Variants in CLASP2 observed in about 807,000 individuals in gnomAD.
CLASP2 encodes cytoplasmic linker associated protein 2.
Under a neutral mutation model 194.4 loss-of-function variants are expected in CLASP2, and 47 were observed. The observed-to-expected ratio is 0.24, with a 90% CI of 0.19 to 0.31. The LOEUF (loss-of-function observed/expected upper bound fraction) is 0.31, where lower values mean the gene tolerates loss of function less well. Ranked by LOEUF, CLASP2 falls within the 10% of genes least tolerant of loss-of-function variation. The pLI, the probability that CLASP2 is intolerant of heterozygous loss-of-function variation, is 1.00. For missense variants in CLASP2, 1,445 were observed against 1,823.6 expected, an observed-to-expected ratio of 0.79 and a Z score of 3.78; for synonymous variants, 619 against 633.5, an observed-to-expected ratio of 0.98 and a Z score of 0.34.
chr3:33,649,149 T>C (rs1290578495), intron 7 of CLASP2, among the ~76,000 whole-genome samples: 2 of 152,250 alleles, frequency 1.3e-5, no homozygotes, highest in African/African-American at 4.8e-5. Context: ...GAATGCTTTT[T>C]TCATCCACAT....
At position 33,506,940 on chromosome 3, in the gene CLASP2, C is replaced by CTT. The variant is rs138932642; in HGVS notation, c.4317+3616_4317+3617dup. Among the ~76,000 whole-genome samples, 290 of 138,972 alleles carry CTT rather than the reference C, an allele frequency of 2.1e-3. 1 individual carries two copies. The highest frequency in any genetic ancestry group is 7.2e-3 in the Middle Eastern group (2 of 276). The allele number at this position is 138,972 out of a possible 152,430, so 91.2% of individuals were successfully genotyped here. A position where few individuals can be genotyped will look rare whatever the true frequency, so the allele number is the denominator to read the frequency against. On this transcript the variant is annotated intron_variant, in intron 37 of 38. Transcript: ENST00000682230. ...TGTTCTTTTTCAAGTTGATTAGATT[C>CTT]TTTTTTTTTTTTTTTGAGAAGGAGT... is the stretch of plus-strand genomic sequence containing the variant.
chr3:33,690,152 A>G (rs2091183145), intron 2 of CLASP2, among the ~76,000 whole-genome samples: 1 of 152,238 alleles, frequency 6.6e-6, no homozygotes, highest in Non-Finnish European at 1.5e-5. Context: ...TGTTAAAAAA[A>G]CAGCAAAACT....
intron 25 of CLASP2, among the ~76,000 whole-genome samples, chr3:33,571,163 G>T (rs541000958): frequency 4.0e-5 from 6 of 150,716 alleles, no homozygotes; most frequent in Non-Finnish European, 8.9e-5. Flanking sequence ...ACAGGCGCCC[G>T]CCACCTCGCC....
rs1240154422 is a variant in CLASP2, at chr3:33,584,328, A to C, written c.2239+422T>G. The stretch of plus-strand genomic sequence containing the variant: ...ACAGAGTCTCCGTTGCCCAGGCTGG[A>C]GTGCAGTGTGATCTTGGCTCACTGC... On this transcript the variant is annotated intron_variant, in intron 22 of 38. Transcript: ENST00000682230. Among the ~76,000 whole-genome samples, 4 of 137,148 alleles carry C rather than the reference A, an allele frequency of 2.9e-5. No homozygotes were observed. The East Asian group carries it at 8.6e-4, about 29-fold the overall frequency. 90.0% of individuals were successfully genotyped at this position (137,148 alleles called of 152,430 possible).
chr3:33,521,785 A>G (rs367808688), intron 34 of CLASP2, among the ~76,000 whole-genome samples: 2 of 152,224 alleles, frequency 1.3e-5, no homozygotes, highest in African/African-American at 4.8e-5. Flanking sequence ...ACTCTAGTCT[A>G]CTGAAGGCTT....
intron 25 of CLASP2, 97 bp downstream of exon 25, chr3:33,573,013 T>G (rs1292841345): frequency 2.1e-6 from 3 of 1,407,308 alleles, no homozygotes; most frequent in Non-Finnish European, 2.9e-6. Context: ...AGGACAAGTC[T>G]GTTTCTACAC....
chr3:33,616,736 T>A (rs1365794414), intron 12 of CLASP2, among the ~76,000 whole-genome samples: 1 of 117,434 alleles, frequency 8.5e-6, no homozygotes, highest in Non-Finnish European at 1.8e-5. Context: ...TATACTTCCT[T>A]TTTTTTTTTT....
chr3:33,626,118 T>TA (rs2078004881), intron 10 of CLASP2, among the ~76,000 whole-genome samples: 1 of 152,148 alleles, frequency 6.6e-6, no homozygotes, highest in Non-Finnish European at 1.5e-5. Flanking sequence ...TACTCTCTGT[T>TA]AAAAACAGTA....
At chr3:33,571,107 G>A (rs913772207) in intron 25 of CLASP2, among the ~76,000 whole-genome samples, 4 of 149,018 alleles carry the variant, frequency 2.7e-5, no homozygotes, top group African/African-American at 7.4e-5. Context: ...TCCGCCCCCC[G>A]GGTTCACGCC....
intron 19 of CLASP2, 105 bp downstream of exon 19, chr3:33,596,606 A>G: frequency 1.2e-6 from 1 of 802,658 alleles, no homozygotes; most frequent in Non-Finnish European, 2.0e-6. Flanking sequence ...CTAAATAAGT[A>G]TTAATAATAT....
chr3:33,634,559 C>T (rs980015646), intron 8 of CLASP2, among the ~76,000 whole-genome samples: 1 of 152,102 alleles, frequency 6.6e-6, no homozygotes, highest in Non-Finnish European at 1.5e-5. Flanking sequence ...ATCCTTTGAC[C>T]AACGAAGGAT....
At chr3:33,676,787 T>A (rs1402750822) in intron 6 of CLASP2, among the ~76,000 whole-genome samples, 1 of 151,980 alleles carries the variant, frequency 6.6e-6, no homozygotes, top group African/African-American at 2.4e-5. Context: ...TGGGAGAAAA[T>A]TTTCGCAACC....
chr3:33,540,512 G>A (rs1466668950), intron 32 of CLASP2, among the ~76,000 whole-genome samples: 1 of 151,686 alleles, frequency 6.6e-6, no homozygotes, highest in Non-Finnish European at 1.5e-5. Context: ...AAAGTGCTAG[G>A]ATTGCAAGTG....
At chr3:33,550,204 G>C (rs2059781718) in intron 30 of CLASP2, among the ~76,000 whole-genome samples, 2 of 151,920 alleles carry the variant, frequency 1.3e-5, no homozygotes, top group Non-Finnish European at 2.9e-5. Context: ...AGGAGTTTGA[G>C]ACCAGCTTGG....
At chr3:33,569,370 C>T (rs184055769) in intron 26 of CLASP2, among the ~76,000 whole-genome samples, 2 of 152,302 alleles carry the variant, frequency 1.3e-5, no homozygotes, top group African/African-American at 4.8e-5. Context: ...CTTATATCTT[C>T]CAGTAGCAGG....
chr3:33,675,578 T>C (rs1469081559), intron 6 of CLASP2, among the ~76,000 whole-genome samples: 2,901 of 149,624 alleles, frequency 0.019, 56 homozygotes, highest in African/African-American at 0.045. Flanking sequence ...TGTTGGAAGT[T>C]CTGGCCAGGG....
Position 33,644,739 on chromosome 3 carries a change from G to T in CLASP2, c.862+18C>A. The T allele has an allele frequency of 6.2e-7, 1 of 1,612,308 alleles. No individual in the cohort carries two copies. Among genetic ancestry groups the T allele is most frequent in the South Asian group, 1.1e-5 (1 of 90,672 alleles). On this transcript the variant is annotated intron_variant, in intron 8 of 38. Transcript: ENST00000682230. ...GGCATGGAGCATGCATAACAGATTT[G>T]AAATGGATTTACATTACCTCCAACC...
intron 6 of CLASP2, among the ~76,000 whole-genome samples, chr3:33,672,747 A>C (rs1260916870): frequency 6.6e-6 from 1 of 152,242 alleles, no homozygotes; most frequent in Non-Finnish European, 1.5e-5. Flanking sequence ...AAGTGCTTAA[A>C]GGAGCTGATG....
chr3:33,506,901 A>G (rs947582582), intron 37 of CLASP2, among the ~76,000 whole-genome samples: 1 of 151,614 alleles, frequency 6.6e-6, no homozygotes, highest in African/African-American at 2.4e-5. Context: ...TTGAGAGTGT[A>G]AGTACTCCAA....
Sources: gnomAD v4.1 joint callset for allele counts (sites outside exome capture counted in the v4.1 genomes callset) on GRCh38, gnomAD v4.1.1 for gene constraint, MANE v1.5 for transcripts, NCBI Gene and HGNC (gene_info 2026-07-23, HGNC 2026-07-21) for gene names.